The following KCNQ1 variants were observed in gnomAD, a reference collection of about 807,000 sequenced individuals.
The protein encoded by KCNQ1 is potassium voltage-gated channel subfamily Q member 1.
In KCNQ1, 49 loss-of-function variants were observed where a neutral mutation model predicts 72.4. That is an observed-to-expected ratio of 0.68 (90% CI 0.54 to 0.86). The LOEUF (loss-of-function observed/expected upper bound fraction) is 0.86, where lower values mean the gene tolerates loss of function less well. Among genes scored for constraint, KCNQ1 ranks in the 40% least tolerant of loss-of-function variants. The probability of loss-of-function intolerance (pLI) is 0.00; values close to 1 mark genes in which losing one functional copy is unlikely to be tolerated. For synonymous variants in KCNQ1, 450 were observed against 412.6 expected, an observed-to-expected ratio of 1.09 and a Z score of -1.10; for missense variants, 790 against 945.1, an observed-to-expected ratio of 0.84 and a Z score of 2.15.
Position 2,447,830 on chromosome 11 carries a change from T to TC in KCNQ1, c.386+2348dup, listed in dbSNP as rs919612776. Among the ~76,000 whole-genome samples the TC allele has an allele frequency of 1.3e-4, 20 of 152,276 alleles. No individual in the cohort carries two copies. Among genetic ancestry groups the TC allele is most frequent in the Admixed American group, 1.3e-3 (20 of 15,304 alleles). ...GGGGGGTTGAGGCAGGAGCCGGTGT[T>TC]CCGCTGACCCTACAGGGCTAGGGCG... is the stretch of plus-strand genomic sequence containing the variant. On this transcript the variant is annotated intron_variant, in intron 1 of 15. Coordinates refer to ENST00000155840, the MANE Select transcript of KCNQ1 (RefSeq NM_000218.3). This position sits in a 1 kb window ranked among gnomAD's most constrained non-coding sequence, Gnocchi z 7.6.
At chr11:2,452,134 C>T (rs1008406578) in intron 1 of KCNQ1, among the ~76,000 whole-genome samples, 4 of 152,088 alleles carry the variant, frequency 2.6e-5, no homozygotes, top group African/African-American at 7.2e-5. Flanking sequence ...TTAGCTTTCC[C>T]TCCATATCTG....
intron 1 of KCNQ1, among the ~76,000 whole-genome samples, chr11:2,517,508 C>A: frequency 6.6e-6 from 1 of 152,184 alleles, no homozygotes; most frequent in Non-Finnish European, 1.5e-5. Flanking sequence ...TGGCGCCTCA[C>A]CTCTCTGTCT....
chr11:2,516,199 G>A lies in KCNQ1; in HGVS notation c.387-11729G>A, dbSNP rs77384257. Among the ~76,000 whole-genome samples the A allele has an allele frequency of 4.8e-3, 735 of 152,154 alleles. 12 individuals carry two copies. The highest frequency in any genetic ancestry group is 0.046 in the East Asian group (236 of 5,140). On this transcript the variant is annotated intron_variant, in intron 1 of 15. Coordinates refer to ENST00000155840, the MANE Select transcript of KCNQ1 (RefSeq NM_000218.3). This position sits in a 1 kb window ranked among gnomAD's most constrained non-coding sequence, Gnocchi z 7.0. ...ACCCGGAGTCCAGTTCTCGCCAACCGCTCGATGCTGTGTGACTTGAGGCAG... is the reference window on the plus strand; with the variant it reads ...ACCCGGAGTCCAGTTCTCGCCAACCACTCGATGCTGTGTGACTTGAGGCAG...
rs1849201987 is a variant in KCNQ1 at position 2,623,107 on chromosome 11, G to A, written c.1393+34253G>A. On this transcript the variant is annotated intron_variant, in intron 10 of 15. Coordinates refer to ENST00000155840, the MANE Select transcript of KCNQ1 (RefSeq NM_000218.3). The surrounding 1 kb of genome is among the most constrained non-coding windows in gnomAD (Gnocchi z 5.2). Reference sequence around the variant, plus strand: ...TCTCATGAGATCTGGTTGTTTAAACGTGTGTGGCACTTCCCATCTCACTTT... The same window carrying A: ...TCTCATGAGATCTGGTTGTTTAAACATGTGTGGCACTTCCCATCTCACTTT... The A allele has an allele frequency of 1.3e-5, 5 of 398,424 alleles. No homozygotes were observed. The highest frequency in any genetic ancestry group is 7.1e-5 in the East Asian group (2 of 28,084). 24.7% of individuals were successfully genotyped at this position (398,424 alleles called of 1,614,324 possible).
chr11:2,678,102 CT>C lies in KCNQ1; in HGVS notation c.1514+16024del, dbSNP rs1199125823. 7.5e-6 allele frequency: 3 copies of C among 398,154 alleles called. No homozygotes were observed. Among genetic ancestry groups the C allele is most frequent in the East Asian group, 7.1e-5 (2 of 28,022 alleles). The allele number at this position is 398,154 out of a possible 1,614,324, so 24.7% of individuals were successfully genotyped here. The stretch of plus-strand genomic sequence containing the variant: ...TGTCTTACTGATTTGTAGAAACTTG[CT>C]TTGTCATATTCATTGAAAATATTTT... On this transcript the variant is annotated intron_variant, in intron 11 of 15. Transcript: ENST00000155840. The surrounding 1 kb of genome is among the most constrained non-coding windows in gnomAD (Gnocchi z 4.9).
rs148266527 is a variant in KCNQ1 at position 2,588,809 on chromosome 11, G to C, written c.1348G>C (p.Glu450Gln). The C allele has an allele frequency of 2.5e-6, 4 of 1,613,214 alleles. No individual in the cohort carries two copies. In the Admixed American group the frequency reaches 6.7e-5, roughly 27 times the overall value. ...CCATATCACGTGCGACCCCCCAGAA[G>C]AGCGGCGGCTGGACCACTTCTCTGT... ...VPHITCDPPE[E>Q]RRLDHFSVDG... The change falls in exon 10 of 16, where the codon GAG becomes CAG. Residue 450 changes from glutamate to glutamine, a missense_variant. This residue lies in a region of KCNQ1 where 178 missense variants were observed against 177.9 expected (regional missense o/e 1.00). Transcript: ENST00000155840. The surrounding 1 kb of genome is among the most constrained non-coding windows in gnomAD (Gnocchi z 5.6).
At chr11:2,779,819 G>A (rs1394445588) in intron 15 of KCNQ1, among the ~76,000 whole-genome samples, 3 of 152,330 alleles carry the variant, frequency 2.0e-5, no homozygotes, top group African/African-American at 4.8e-5. Context: ...AGCCAAGGTC[G>A]GTGTGGGGGC....
chr11:2,765,446 A>G (rs745356346), intron 11 of KCNQ1, among the ~76,000 whole-genome samples: 2 of 152,208 alleles, frequency 1.3e-5, no homozygotes, highest in Non-Finnish European at 2.9e-5. Context: ...TTCTGTGTGC[A>G]CTAGGGAAGC....
chr11:2,611,010 A>AATT lies in KCNQ1; in HGVS notation c.1393+22156_1393+22157insATT. On this transcript the variant is annotated intron_variant, in intron 10 of 15. Coordinates refer to ENST00000155840, the MANE Select transcript of KCNQ1 (RefSeq NM_000218.3). The surrounding 1 kb of genome is among the most constrained non-coding windows in gnomAD (Gnocchi z 5.3). ...ATTGTTGAGTTGTCTATTATTGTTC[A>AATT]GTTGTCTGTTTCTCTCTTCATTTCT... is the stretch of plus-strand genomic sequence containing the variant. 1.3e-5 allele frequency: 5 copies of AATT among 398,434 alleles called. No individual in the cohort carries two copies. The highest frequency in any genetic ancestry group is 6.3e-4 in the Middle Eastern group (1 of 1,588). 24.7% of individuals were successfully genotyped at this position (398,434 alleles called of 1,614,324 possible).
intron 15 of KCNQ1, among the ~76,000 whole-genome samples, chr11:2,789,970 TAGGTTGCCATG>T (rs1015060756): frequency 3.9e-5 from 6 of 152,148 alleles, no homozygotes; most frequent in Non-Finnish European, 8.8e-5. Context: ...CATCCTCGGA[TAGGTTGCCATG>T]AGGTTGCCAG....
intron 11 of KCNQ1, chr11:2,697,745 T>C (rs975899897): frequency 7.5e-6 from 3 of 398,490 alleles, no homozygotes; most frequent in Admixed American, 4.4e-5. Context: ...TGTTGTTTAA[T>C]ACATATTATT....
chr11:2,619,221 T>C, intron 10 of KCNQ1: 1 of 398,550 alleles, frequency 2.5e-6, no homozygotes, highest in Non-Finnish European at 4.4e-6. Flanking sequence ...TGTTGAGTAG[T>C]AGTAGCTAGA....
At chr11:2,742,364 C>T (rs753108909) in intron 11 of KCNQ1, among the ~76,000 whole-genome samples, 21 of 152,208 alleles carry the variant, frequency 1.4e-4, no homozygotes, top group Non-Finnish European at 2.5e-4. Flanking sequence ...GCCCTCAAGC[C>T]GGTCCCCATG....
Position 2,735,512 on chromosome 11 carries a change from A to G in KCNQ1, c.1515-33332A>G, listed in dbSNP as rs1429396402. Among the ~76,000 whole-genome samples the G allele has an allele frequency of 6.6e-6, 1 of 151,032 alleles. No homozygotes were observed. Among genetic ancestry groups the G allele is most frequent in the Non-Finnish European group, 1.5e-5 (1 of 67,714 alleles). Reference sequence around the variant, plus strand: ...GTCCTGAAGTGCCCCTCACCCACCCATCCACACCCCGCAGGCATCCTAGGG... The same window carrying G: ...GTCCTGAAGTGCCCCTCACCCACCCGTCCACACCCCGCAGGCATCCTAGGG... On this transcript the variant is annotated intron_variant, in intron 11 of 15. Coordinates refer to ENST00000155840, the MANE Select transcript of KCNQ1 (RefSeq NM_000218.3). This position sits in a 1 kb window ranked among gnomAD's most constrained non-coding sequence, Gnocchi z 7.7.
rs1158856732 is a variant in KCNQ1, at chr11:2,475,448, C to T, written c.386+29964C>T. On this transcript the variant is annotated intron_variant, in intron 1 of 15. Coordinates refer to ENST00000155840, the MANE Select transcript of KCNQ1 (RefSeq NM_000218.3). The surrounding 1 kb of genome is among the most constrained non-coding windows in gnomAD (Gnocchi z 5.8). Reference sequence around the variant, plus strand: ...CTTAGAATGGATTTAAAAACAAATTCAAATGTGTGTTGCTTATGAAAATCA... The same window carrying T: ...CTTAGAATGGATTTAAAAACAAATTTAAATGTGTGTTGCTTATGAAAATCA... 6.6e-6 allele frequency among the ~76,000 whole-genome samples: 1 copy of T among 152,144 alleles called. No homozygotes were observed. Among genetic ancestry groups the T allele is most frequent in the East Asian group, 1.9e-4 (1 of 5,196 alleles).
chr11:2,648,949 A>C (rs1849709518), intron 10 of KCNQ1: 1 of 389,708 alleles, frequency 2.6e-6, no homozygotes, highest in Admixed American at 4.5e-5. Context: ...TTATAATTAT[A>C]TAATGACCTC....
rs777422756 is a variant in KCNQ1, at chr11:2,683,818, C to T, written c.1514+21737C>T. The T allele has an allele frequency of 2.0e-5, 8 of 398,576 alleles. No individual in the cohort carries two copies. The highest frequency in any genetic ancestry group is 6.2e-4 in the Middle Eastern group (1 of 1,610). 24.7% of individuals were successfully genotyped at this position (398,576 alleles called of 1,614,324 possible). A position where few individuals can be genotyped will look rare whatever the true frequency, so the allele number is the denominator to read the frequency against. ...CCCCAAAATCCCAGCCACTAGCTTG[C>T]AGAATGGCTTTGTTGGATTCCCCTC... On this transcript the variant is annotated intron_variant, in intron 11 of 15. Transcript: ENST00000155840. The surrounding 1 kb of genome is among the most constrained non-coding windows in gnomAD (Gnocchi z 4.7).
intron 11 of KCNQ1, chr11:2,693,786 C>T (rs986112012): frequency 7.8e-5 from 31 of 398,688 alleles, no homozygotes; most frequent in African/African-American, 6.0e-4. Context: ...CCGGCCAGTT[C>T]AGAGGAGCAT....
chr11:2,584,276 A>G (rs1848551553), intron 7 of KCNQ1, among the ~76,000 whole-genome samples: 1 of 149,796 alleles, frequency 6.7e-6, no homozygotes, highest in Non-Finnish European at 1.5e-5. Context: ...CTATGTGCGT[A>G]TATGTGTGTG....
Sources: allele counts gnomAD v4.1 joint callset (sites outside exome capture counted in the v4.1 genomes callset), GRCh38; gene constraint gnomAD v4.1.1; regional missense constraint gnomAD v4.1.1; non-coding constraint Gnocchi (gnomAD v3.1); transcripts MANE v1.5; gene names NCBI Gene and HGNC (gene_info 2026-07-23, HGNC 2026-07-21).